Variants in KHDRBS2 observed in about 807,000 individuals in gnomAD.
KHDRBS2 encodes KH domain-containing, RNA-binding, signal transduction-associated protein 2.
Under a neutral mutation model 44.3 loss-of-function variants are expected in KHDRBS2, and 26 were observed. The observed-to-expected ratio is 0.59, with a 90% CI of 0.43 to 0.81. The LOEUF (loss-of-function observed/expected upper bound fraction) is 0.81. Ranked by LOEUF, KHDRBS2 falls within the 40% of genes least tolerant of loss-of-function variation. KHDRBS2 has a pLI of 0.00. For synonymous variants in KHDRBS2, 194 were observed against 151.1 expected (o/e 1.28, Z -2.08); for missense variants, 476 against 433.1 (o/e 1.10, Z -0.88).
the KHDRBS2 span, among the ~76,000 whole-genome samples, chr6:61,613,695 T>C: frequency 6.6e-6 from 1 of 152,200 alleles, no homozygotes. Flanking sequence ...TGATTCAGGG[T>C]ATTAATTCTA....
At chr6:61,581,201 AGTGCATTGCCATGCAAAT>A in the KHDRBS2 span, among the ~76,000 whole-genome samples, 2 of 151,306 alleles carry the variant, frequency 1.3e-5, no homozygotes, top group Admixed American at 6.6e-5. Flanking sequence ...GCCATGCAAA[AGTGCATTGCCATGCAAAT>A]GTGCATGGCC....
At chr6:61,954,809 TACGC>T (rs1360403909) in intron 4 of KHDRBS2, among the ~76,000 whole-genome samples, 5 of 93,554 alleles carry the variant, frequency 5.3e-5, no homozygotes, top group South Asian at 6.9e-4. Flanking sequence ...TATGTATACA[TACGC>T]ATGTGTATAT....
chr6:62,212,439 C>T (rs1443111461), intron 1 of KHDRBS2, among the ~76,000 whole-genome samples: 1 of 151,220 alleles, frequency 6.6e-6, no homozygotes, highest in Admixed American at 6.6e-5. Context: ...ATTGTGTTCC[C>T]CCTGAAATAT....
chr6:61,865,500 A>T (rs1159658598), intron 6 of KHDRBS2, among the ~76,000 whole-genome samples: 1 of 152,068 alleles, frequency 6.6e-6, no homozygotes, highest in Non-Finnish European at 1.5e-5. Flanking sequence ...CACTGTCACA[A>T]AAACAGCATG....
At chr6:61,561,204 CTTCTCTGTTTCT>C in the KHDRBS2 span, among the ~76,000 whole-genome samples, 4 of 151,926 alleles carry the variant, frequency 2.6e-5, no homozygotes, top group Non-Finnish European at 4.4e-5. Flanking sequence ...TCTCTCTCTC[CTTCTCTGTTTCT>C]GTCTCTCACT....
chr6:62,006,326 A>G (rs1023097745), intron 3 of KHDRBS2, among the ~76,000 whole-genome samples: 4 of 152,072 alleles, frequency 2.6e-5, no homozygotes, highest in Admixed American at 2.6e-4. Context: ...TTATATATGC[A>G]AAAATGAATC....
the KHDRBS2 span, among the ~76,000 whole-genome samples, chr6:61,650,535 A>G: frequency 6.6e-6 from 1 of 152,058 alleles, no homozygotes; most frequent in Admixed American, 6.6e-5. Flanking sequence ...CAGATGGGAA[A>G]GGTCTCTCTT....
At chr6:61,757,144 C>T (rs1778608474) in intron 6 of KHDRBS2, among the ~76,000 whole-genome samples, 1 of 152,094 alleles carries the variant, frequency 6.6e-6, no homozygotes, top group Non-Finnish European at 1.5e-5. Flanking sequence ...TATTCTGCTG[C>T]TGCTTGGTGA....
chr6:61,625,359 A>G, the KHDRBS2 span, among the ~76,000 whole-genome samples: 1 of 149,040 alleles, frequency 6.7e-6, no homozygotes, highest in African/African-American at 2.5e-5. Flanking sequence ...AAATGTGTGC[A>G]GAGACTCTGA....
chr6:62,241,545 T>C (rs976012589), intron 1 of KHDRBS2, among the ~76,000 whole-genome samples: 1 of 152,046 alleles, frequency 6.6e-6, no homozygotes, highest in African/African-American at 2.4e-5. Context: ...TTCCCAGCAA[T>C]GCTCAGTTAT....
chr6:61,661,824 AAGG>A, the KHDRBS2 span, among the ~76,000 whole-genome samples: 1 of 151,990 alleles, frequency 6.6e-6, no homozygotes, highest in African/African-American at 2.4e-5. Context: ...CATACTGCCT[AAGG>A]TAATTTATAG....
At chr6:61,740,141 A>G (rs1775938800) in intron 6 of KHDRBS2, among the ~76,000 whole-genome samples, 1 of 151,940 alleles carries the variant, frequency 6.6e-6, no homozygotes. Context: ...ATGGCTAAAT[A>G]GGTCTGAGGA....
At chr6:61,550,086 AG>A in the KHDRBS2 span, among the ~76,000 whole-genome samples, 1 of 152,116 alleles carries the variant, frequency 6.6e-6, no homozygotes. Context: ...GTACATAGGT[AG>A]GTTTGTTATA....
intron 2 of KHDRBS2, among the ~76,000 whole-genome samples, chr6:62,106,727 CA>C (rs1422776887): frequency 6.6e-6 from 1 of 152,092 alleles, no homozygotes. Context: ...AGCAGCACAT[CA>C]AAAAGCTTAT....
At chr6:62,273,195 A>C (rs1462903519) in intron 1 of KHDRBS2, among the ~76,000 whole-genome samples, 1 of 152,130 alleles carries the variant, frequency 6.6e-6, no homozygotes, top group Non-Finnish European at 1.5e-5. Context: ...TTTTCAGGTC[A>C]AAATGATGAA....
At position 62,256,335 on chromosome 6, in the gene KHDRBS2, C is replaced by G. The variant is rs547888554; in HGVS notation, c.91+29523G>C. 2.1e-3 allele frequency among the ~76,000 whole-genome samples: 318 copies of G among 152,128 alleles called. 1 individual carries two copies. Among genetic ancestry groups the G allele is most frequent in the African/African-American group, 7.2e-3 (299 of 41,550 alleles). On this transcript the variant is annotated intron_variant, in intron 1 of 8. Coordinates refer to ENST00000281156, the MANE Select transcript of KHDRBS2 (RefSeq NM_152688.4). ...AGTTTGGCTGTGTCCCCACCCAAAT[C>G]TGATCTTGAATTGTAGCTCTCACAA...
chr6:61,950,610 G>A (rs542570724), intron 4 of KHDRBS2, among the ~76,000 whole-genome samples: 8 of 152,062 alleles, frequency 5.3e-5, no homozygotes, highest in Admixed American at 3.9e-4. Context: ...AACTATGCTA[G>A]TTTTGAAGTT....
intron 4 of KHDRBS2, among the ~76,000 whole-genome samples, chr6:61,919,327 A>G (rs1807604190): frequency 6.6e-6 from 1 of 151,988 alleles, no homozygotes; most frequent in Non-Finnish European, 1.5e-5. Context: ...AGGGTTAGCA[A>G]AGCAGTAGAA....
intron 2 of KHDRBS2, among the ~76,000 whole-genome samples, chr6:62,140,705 C>T (rs1355845051): frequency 1.3e-5 from 2 of 152,166 alleles, no homozygotes; most frequent in South Asian, 2.1e-4. Context: ...TTGAGTGTTA[C>T]ATGCGTGCCA....
Sources: allele counts gnomAD v4.1 joint callset (sites outside exome capture counted in the v4.1 genomes callset), GRCh38; gene constraint gnomAD v4.1.1; transcripts MANE v1.5; gene names NCBI Gene and HGNC (gene_info 2026-07-23, HGNC 2026-07-21).